Variants in TMEM132D observed in about 807,000 individuals in gnomAD.
TMEM132D encodes transmembrane protein 132D, also known as mature OL transmembrane protein.
Under a neutral mutation model 62.3 loss-of-function variants are expected in TMEM132D, and 21 were observed. That is an observed-to-expected ratio of 0.34 (90% CI 0.24 to 0.49). The LOEUF (loss-of-function observed/expected upper bound fraction) is 0.49. Among genes scored for constraint, TMEM132D ranks in the 20% least tolerant of loss-of-function variants. The pLI is 0.99. For missense variants in TMEM132D, 1,346 were observed against 1,402.8 expected (o/e 0.96, Z 0.65); for synonymous variants, 621 against 575.6 (o/e 1.08, Z -1.13).
At chr12:129,710,878 G>T (rs371243065) in intron 1 of TMEM132D, among the ~76,000 whole-genome samples, 1 of 147,160 alleles carries the variant, frequency 6.8e-6, no homozygotes, top group Non-Finnish European at 1.5e-5. Flanking sequence ...ATACCCACGC[G>T]CATTCCCCGG....
chr12:129,650,770 T>G (rs138346153), intron 2 of TMEM132D, among the ~76,000 whole-genome samples: 1 of 152,358 alleles, frequency 6.6e-6, no homozygotes, highest in Non-Finnish European at 1.5e-5. Context: ...GATTTCCTCT[T>G]TTGTGAACTG....
chr12:129,820,025 A>T (rs1182940473), intron 1 of TMEM132D, among the ~76,000 whole-genome samples: 2 of 152,068 alleles, frequency 1.3e-5, no homozygotes, highest in Non-Finnish European at 2.9e-5. Context: ...TCCTCCATGA[A>T]AAGCTCAGCA....
At chr12:129,362,963 C>A (rs185633519) in intron 3 of TMEM132D, among the ~76,000 whole-genome samples, 38 of 152,306 alleles carry the variant, frequency 2.5e-4, no homozygotes, top group African/African-American at 8.4e-4. Flanking sequence ...CAGCATTTCC[C>A]AGTTGACTTA....
In TMEM132D at chr12:129,082,000, T is replaced by A. The variant is rs2135616768; in HGVS notation, c.1682A>T (p.Asp561Val). Residue 561 changes from aspartate (D) to valine (V), a missense_variant, in exon 7 of 9, where the codon GAT (aspartate) becomes GTT (valine). Physicochemically the swap from Asp to Val is radical, Grantham distance 152. Coordinates refer to ENST00000422113, the MANE Select transcript of TMEM132D (RefSeq NM_133448.3). ...PAGDSEEEED[D>V]ERRGRGCTLQ... ...GGTGCAGCCGCGGCCCCTCCGCTCATCATCCTCCTCCTCTTCACTGTCCCC... is the reference window on the plus strand; with the variant it reads ...GGTGCAGCCGCGGCCCCTCCGCTCAACATCCTCCTCCTCTTCACTGTCCCC... The A allele has an allele frequency of 1.2e-6, 2 of 1,611,962 alleles. No individual in the cohort carries two copies. The highest frequency in any genetic ancestry group is 2.2e-5 in the South Asian group (2 of 90,912).
At chr12:129,329,156 C>T (rs1869019798) in intron 4 of TMEM132D, among the ~76,000 whole-genome samples, 1 of 152,036 alleles carries the variant, frequency 6.6e-6, no homozygotes, top group Middle Eastern at 3.4e-3. Context: ...TCATCTCCTC[C>T]ATATATGTGT....
chr12:129,208,827 G>C (rs2135565921), intron 5 of TMEM132D: 1 of 152,380 alleles, frequency 6.6e-6, no homozygotes, highest in East Asian at 1.9e-4. Flanking sequence ...GTGCTATGAG[G>C]TTCCTGGCAG....
chr12:129,631,366 C>A (rs904707282), intron 2 of TMEM132D, among the ~76,000 whole-genome samples: 1 of 152,178 alleles, frequency 6.6e-6, no homozygotes, highest in African/African-American at 2.4e-5. Flanking sequence ...AAAATGCAAC[C>A]TGCAGTCGTA....
chr12:129,686,228 C>T (rs962993358), intron 2 of TMEM132D, among the ~76,000 whole-genome samples: 1 of 152,116 alleles, frequency 6.6e-6, no homozygotes, highest in Non-Finnish European at 1.5e-5. Context: ...CCACCCAAAT[C>T]TGATCTTGAA....
intron 3 of TMEM132D, among the ~76,000 whole-genome samples, chr12:129,340,001 C>T (rs1304991559): frequency 6.6e-6 from 1 of 152,050 alleles, no homozygotes; most frequent in East Asian, 1.9e-4. Flanking sequence ...CCCCACAGCC[C>T]CATACTTCTG....
chr12:129,221,429 A>C (rs1013409887), intron 4 of TMEM132D, among the ~76,000 whole-genome samples: 1 of 152,212 alleles, frequency 6.6e-6, no homozygotes, highest in African/African-American at 2.4e-5. Flanking sequence ...AACACTTTCC[A>C]AATTCAGCTT....
At chr12:129,144,457 C>T (rs1021784732) in intron 5 of TMEM132D, among the ~76,000 whole-genome samples, 8 of 152,040 alleles carry the variant, frequency 5.3e-5, no homozygotes, top group African/African-American at 1.9e-4. Context: ...GTGTTGAAGC[C>T]CAAGCTAGTC....
intron 1 of TMEM132D, among the ~76,000 whole-genome samples, chr12:129,891,194 G>A (rs1162429408): frequency 2.6e-5 from 4 of 152,038 alleles, no homozygotes; most frequent in East Asian, 1.9e-4. Context: ...GTCCACTGAC[G>A]TCCTCTCACT....
At chr12:129,694,804 C>A (rs908247866) in intron 2 of TMEM132D, among the ~76,000 whole-genome samples, 1 of 152,130 alleles carries the variant, frequency 6.6e-6, no homozygotes, top group East Asian at 1.9e-4. Context: ...GTCAGGAGAT[C>A]GAGACCATCC....
chr12:129,188,022 G>A (rs149291800), intron 5 of TMEM132D, among the ~76,000 whole-genome samples: 12 of 152,148 alleles, frequency 7.9e-5, no homozygotes, highest in African/African-American at 1.4e-4. Flanking sequence ...AACATGACGC[G>A]GTAGACTGAC....
chr12:129,346,254 A>G (rs1869683744), intron 3 of TMEM132D, among the ~76,000 whole-genome samples: 1 of 152,130 alleles, frequency 6.6e-6, no homozygotes. Context: ...CTCTGATGGT[A>G]GTTTGTATAT....
At chr12:129,531,290 T>A (rs1566100684) in intron 2 of TMEM132D, 85 bp from the exon 3 acceptor site, 3 of 1,448,078 alleles carry the variant, frequency 2.1e-6, no homozygotes, top group Non-Finnish European at 2.8e-6. Context: ...GGAGCTTAAT[T>A]GCTCACCGTT....
intron 4 of TMEM132D, among the ~76,000 whole-genome samples, chr12:129,232,060 A>G (rs1879657565): frequency 6.6e-6 from 1 of 152,182 alleles, no homozygotes; most frequent in South Asian, 2.1e-4. Context: ...CATTGGAATC[A>G]CCTGGGGAGA....
intron 3 of TMEM132D, among the ~76,000 whole-genome samples, chr12:129,436,155 G>C (rs1035628343): frequency 6.6e-6 from 1 of 152,126 alleles, no homozygotes; most frequent in Non-Finnish European, 1.5e-5. Flanking sequence ...ATCTGGCAGA[G>C]GAAAAAGCCA....
chr12:129,118,143 C>G (rs912988980), intron 5 of TMEM132D, among the ~76,000 whole-genome samples: 7 of 152,198 alleles, frequency 4.6e-5, no homozygotes, highest in Admixed American at 3.3e-4. Context: ...CCTAAAAATA[C>G]AGCTCAGAAA....
Sources: allele counts gnomAD v4.1 joint callset (sites outside exome capture counted in the v4.1 genomes callset), GRCh38; gene constraint gnomAD v4.1.1; transcripts MANE v1.5; gene names NCBI Gene and HGNC (gene_info 2026-07-23, HGNC 2026-07-21).